NAALADL2: variants seen among roughly 807,000 people sequenced by gnomAD.
NAALADL2 encodes N-acetylated alpha-linked acidic dipeptidase like 2.
A neutral mutation model predicts 87.2 loss-of-function variants in NAALADL2; 76 were observed. That is an observed-to-expected ratio of 0.87 (90% confidence interval 0.72 to 1.05). NAALADL2 has a LOEUF of 1.05. Among genes scored for constraint, NAALADL2 ranks in the 50% least tolerant of loss-of-function variants. NAALADL2 has a pLI of 0.00. For missense variants in NAALADL2, 1,089 were observed against 945.8 expected (o/e 1.15, Z -1.99); for synonymous variants, 354 against 331.0 (o/e 1.07, Z -0.75).
At chr3:175,346,273 T>A (rs1330360111) in intron 5 of NAALADL2, among the ~76,000 whole-genome samples, 1 of 152,096 alleles carries the variant, frequency 6.6e-6, no homozygotes, top group Admixed American at 6.6e-5. Context: ...CTCTTTTCTG[T>A]ATTTTTATAC....
chr3:174,928,658 T>C (rs749573639), intron 1 of NAALADL2, among the ~76,000 whole-genome samples: 1 of 152,244 alleles, frequency 6.6e-6, no homozygotes, highest in Non-Finnish European at 1.5e-5. Context: ...AGCAAACTGA[T>C]GATAATTCTC....
intron 4 of NAALADL2, among the ~76,000 whole-genome samples, chr3:175,258,295 G>A (rs1750383994): frequency 6.9e-6 from 1 of 144,550 alleles, no homozygotes; most frequent in African/African-American, 2.6e-5. Context: ...GCAACAGAGG[G>A]CGAGACTCCG....
intron 2 of NAALADL2, among the ~76,000 whole-genome samples, chr3:175,233,028 T>C (rs562742815): frequency 6.6e-6 from 1 of 152,306 alleles, no homozygotes; most frequent in South Asian, 2.1e-4. Context: ...AATCGTGTCA[T>C]TGGATTATGG....
At chr3:174,444,885 A>G (rs183923161) in intron 1 of NAALADL2, among the ~76,000 whole-genome samples, 66 of 152,312 alleles carry the variant, frequency 4.3e-4, no homozygotes, top group Middle Eastern at 6.8e-3. Flanking sequence ...AATGATGTGA[A>G]AAAGACTGGA....
In NAALADL2 at chr3:175,241,339, G is replaced by A. The variant is rs565600703; in HGVS notation, c.819+7135G>A. Among the ~76,000 whole-genome samples, 123 of 152,138 alleles carry A rather than the reference G, an allele frequency of 8.1e-4. 1 individual carries two copies. The highest frequency in any genetic ancestry group is 2.8e-3 in the African/African-American group (117 of 41,494). ...TGCTTCAAGCAATTCTCCTACCTTA[G>A]CCTCCCCAGTAACTAGGACTACAGG... On this transcript the variant is annotated intron_variant, in intron 3 of 13. Transcript: ENST00000454872.
At chr3:175,389,000 C>A (rs1285890608) in intron 5 of NAALADL2, among the ~76,000 whole-genome samples, 1 of 151,868 alleles carries the variant, frequency 6.6e-6, no homozygotes, top group African/African-American at 2.4e-5. Flanking sequence ...TTTAATGGTA[C>A]TTTTTATCAT....
intron 13 of NAALADL2, among the ~76,000 whole-genome samples, chr3:175,802,498 C>T (rs1056182829): frequency 3.3e-5 from 5 of 151,850 alleles, no homozygotes; most frequent in African/African-American, 9.7e-5. Flanking sequence ...ATTATCTAGC[C>T]AGAATAGTGA....
At chr3:175,100,970 T>C (rs1722055989) in intron 2 of NAALADL2, among the ~76,000 whole-genome samples, 1 of 151,880 alleles carries the variant, frequency 6.6e-6, no homozygotes, top group Non-Finnish European at 1.5e-5. Context: ...GGGGAGAAGC[T>C]TGAGGTGTGT....
chr3:175,140,220 G>A (rs1729783730), intron 2 of NAALADL2, among the ~76,000 whole-genome samples: 1 of 152,092 alleles, frequency 6.6e-6, no homozygotes. Context: ...TGCATTCCAT[G>A]TACCTAAATC....
rs150012462 is a variant in NAALADL2 at position 175,211,769 on chromosome 3, T to C, written c.546-22162T>C. Reference sequence around the variant, plus strand: ...AAAGATAACACATTGTGATGTGCAATTATATTTCTTAATGGAAATAGTATG... The same window carrying C: ...AAAGATAACACATTGTGATGTGCAACTATATTTCTTAATGGAAATAGTATG... On this transcript the variant is annotated intron_variant, in intron 2 of 13. Transcript: ENST00000454872. 3.0e-3 allele frequency among the ~76,000 whole-genome samples: 454 copies of C among 152,160 alleles called. 1 individual carries two copies. Among genetic ancestry groups the C allele is most frequent in the African/African-American group, 0.01 (417 of 41,572 alleles).
At chr3:175,410,805 T>A (rs1402914054) in intron 5 of NAALADL2, among the ~76,000 whole-genome samples, 4 of 152,100 alleles carry the variant, frequency 2.6e-5, no homozygotes, top group Non-Finnish European at 5.9e-5. Flanking sequence ...TGGTTCAGAT[T>A]TACAGTGAGC....
In NAALADL2 at chr3:175,276,098, A is replaced by T. The variant is rs558381244; in HGVS notation, c.939+19568A>T. 2.3e-3 allele frequency among the ~76,000 whole-genome samples: 351 copies of T among 151,422 alleles called. 2 individuals are homozygous for T. Among genetic ancestry groups the T allele is most frequent in the African/African-American group, 7.9e-3 (327 of 41,398 alleles). ...CCTAATGAAAATATTAACATTTATT[A>T]AAAAATTTCTATAAGCTAAGTATAC... On this transcript the variant is annotated intron_variant, in intron 4 of 13. Coordinates refer to ENST00000454872, the MANE Select transcript of NAALADL2 (RefSeq NM_207015.3).
At chr3:175,289,851 T>C (rs1340571724) in intron 4 of NAALADL2, among the ~76,000 whole-genome samples, 1 of 152,016 alleles carries the variant, frequency 6.6e-6, no homozygotes, top group East Asian at 1.9e-4. Flanking sequence ...GAGAAAATAT[T>C]CTCAATATAT....
At chr3:175,215,549 T>G (rs537565927) in intron 2 of NAALADL2, among the ~76,000 whole-genome samples, 3 of 149,482 alleles carry the variant, frequency 2.0e-5, no homozygotes, top group South Asian at 2.1e-4. Flanking sequence ...CAGCAGACTT[T>G]GCACACCTTT....
intron 1 of NAALADL2, among the ~76,000 whole-genome samples, chr3:175,067,541 G>A (rs930445813): frequency 1.3e-5 from 2 of 152,092 alleles, no homozygotes; most frequent in Non-Finnish European, 2.9e-5. Context: ...ACCACAATAA[G>A]ATACCATCTC....
intron 1 of NAALADL2, among the ~76,000 whole-genome samples, chr3:174,527,798 G>T (rs1720896232): frequency 6.6e-6 from 1 of 152,054 alleles, no homozygotes; most frequent in African/African-American, 2.4e-5. Context: ...CTTATGTTCT[G>T]GGATTTCAGG....
intron 1 of NAALADL2, among the ~76,000 whole-genome samples, chr3:174,484,933 C>T (rs1717761459): frequency 6.6e-6 from 1 of 151,910 alleles, no homozygotes; most frequent in South Asian, 2.1e-4. Context: ...GTAGTTGTGT[C>T]ATTTATTATT....
intron 1 of NAALADL2, among the ~76,000 whole-genome samples, chr3:174,493,928 C>A (rs181423960): frequency 6.6e-6 from 1 of 152,256 alleles, no homozygotes; most frequent in Non-Finnish European, 1.5e-5. Context: ...GAGATACGAA[C>A]AAGGTGTGCC....
At chr3:174,775,520 C>G (rs1715099843) in intron 3 of NAALADL2, among the ~76,000 whole-genome samples, 1 of 152,056 alleles carries the variant, frequency 6.6e-6, no homozygotes, top group Non-Finnish European at 1.5e-5. Context: ...ACTTGTAAAA[C>G]CTTTCTATTG....
Sources: gnomAD v4.1 joint callset for allele counts (sites outside exome capture counted in the v4.1 genomes callset) on GRCh38, gnomAD v4.1.1 for gene constraint, MANE v1.5 for transcripts, NCBI Gene and HGNC (gene_info 2026-07-23, HGNC 2026-07-21) for gene names.